Variants in HHAT observed in about 807,000 individuals in gnomAD.
HHAT encodes protein-cysteine N-palmitoyltransferase HHAT.
Under a neutral mutation model 70.8 loss-of-function variants are expected in HHAT, and 47 were observed. That is an observed-to-expected ratio of 0.66 (90% confidence interval 0.53 to 0.85). The LOEUF is 0.85. Among genes scored for constraint, HHAT ranks in the 40% least tolerant of loss-of-function variants. HHAT has a pLI of 0.00. For missense variants in HHAT, 609 were observed against 604.8 expected (o/e 1.01, Z -0.07); for synonymous variants, 228 against 247.6 (o/e 0.92, Z 0.74).
At chr1:210,471,984 C>G (rs995557815) in intron 8 of HHAT, among the ~76,000 whole-genome samples, 1 of 152,102 alleles carries the variant, frequency 6.6e-6, no homozygotes, top group Non-Finnish European at 1.5e-5. Flanking sequence ...TACAGATAAT[C>G]CGGGGAAATG....
At chr1:210,435,819 T>A (rs1264767245) in intron 7 of HHAT, among the ~76,000 whole-genome samples, 1 of 151,880 alleles carries the variant, frequency 6.6e-6, no homozygotes, top group African/African-American at 2.4e-5. Flanking sequence ...ATTCTTTCTT[T>A]TTTTTGCTGT....
intron 9 of HHAT, among the ~76,000 whole-genome samples, chr1:210,515,512 C>T (rs2095038632): frequency 6.6e-6 from 1 of 152,098 alleles, no homozygotes; most frequent in African/African-American, 2.4e-5. Flanking sequence ...AATCCCAGCA[C>T]TTTGGGAGGC....
intron 7 of HHAT, among the ~76,000 whole-genome samples, chr1:210,437,375 C>T (rs751595808): frequency 2.6e-5 from 4 of 151,850 alleles, no homozygotes; most frequent in African/African-American, 4.9e-5. Context: ...CTGGCAGACA[C>T]GTTGGTGAAT....
intron 1 of HHAT, among the ~76,000 whole-genome samples, chr1:210,335,117 A>T (rs1203196771): frequency 6.6e-6 from 1 of 152,210 alleles, no homozygotes; most frequent in Non-Finnish European, 1.5e-5. Flanking sequence ...CCAAATGCTC[A>T]TAAAGACAGA....
intron 10 of HHAT, among the ~76,000 whole-genome samples, chr1:210,602,302 A>C (rs1339845478): frequency 1.3e-5 from 2 of 152,120 alleles, no homozygotes; most frequent in Admixed American, 1.3e-4. Context: ...ATTACGTGCG[A>C]GTGGCCAGAA....
intron 9 of HHAT, among the ~76,000 whole-genome samples, chr1:210,525,542 C>A (rs2095232484): frequency 6.6e-6 from 1 of 152,152 alleles, no homozygotes; most frequent in Non-Finnish European, 1.5e-5. Context: ...CCTGATCTTG[C>A]TGTTACCACT....
At chr1:210,579,262 C>G (rs1658633754) in intron 9 of HHAT, among the ~76,000 whole-genome samples, 1 of 151,988 alleles carries the variant, frequency 6.6e-6, no homozygotes. Flanking sequence ...ATATAACAAC[C>G]AGCACATGTA....
At chr1:210,652,206 A>G (rs1004109881) in intron 11 of HHAT, among the ~76,000 whole-genome samples, 6 of 152,132 alleles carry the variant, frequency 3.9e-5, no homozygotes, top group African/African-American at 1.4e-4. Context: ...GGGAGTAGAG[A>G]TAGGAATAAA....
At chr1:210,402,588 C>T (rs2092131678) in intron 5 of HHAT, among the ~76,000 whole-genome samples, 1 of 152,168 alleles carries the variant, frequency 6.6e-6, no homozygotes, top group Non-Finnish European at 1.5e-5. Flanking sequence ...GCTCTGAGAG[C>T]TGCTGGCTCT....
intron 8 of HHAT, among the ~76,000 whole-genome samples, chr1:210,475,025 G>GT (rs112995699): frequency 0.51 from 75,754 of 149,744 alleles, 19,991 homozygotes; most frequent in African/African-American, 0.66. Flanking sequence ...TATTTTTTTT[G>GT]TTTTTTTTTA....
chr1:210,400,510 T>C lies in HHAT; in HGVS notation c.316T>C (p.Trp106Arg). 1 of 1,614,004 alleles carries C rather than the reference T, an allele frequency of 6.2e-7. No individual in the cohort carries two copies. Among genetic ancestry groups the C allele is most frequent in the Non-Finnish European group, 8.5e-7 (1 of 1,179,966 alleles). Reference protein sequence around the residue: ...ILMLYGMWACWCVLGTPGVAM... With the variant: ...ILMLYGMWACRCVLGTPGVAM... ...CATGCTCTATGGGATGTGGGCCTGC[T>C]GGTGTGTGCTGGGGACCCCTGGTGT... The change falls in exon 5 of 12, where the codon TGG (tryptophan) becomes CGG (arginine). Residue 106 changes from tryptophan (W) to arginine (R), a missense_variant. By Grantham distance (101) the Trp-to-Arg change is moderately radical (BLOSUM62 -3). Transcript: ENST00000261458.
intron 7 of HHAT, among the ~76,000 whole-genome samples, chr1:210,427,533 C>T (rs1186246087): frequency 1.3e-5 from 2 of 152,050 alleles, no homozygotes; most frequent in African/African-American, 4.8e-5. Context: ...AAAGAACTTG[C>T]TAATTTTTGC....
At chr1:210,488,970 G>C (rs1424207032) in intron 8 of HHAT, among the ~76,000 whole-genome samples, 1 of 152,188 alleles carries the variant, frequency 6.6e-6, no homozygotes, top group African/African-American at 2.4e-5. Flanking sequence ...CTCATTCTCC[G>C]GTTTGGCTTA....
chr1:210,449,013 G>T (rs2093692195), intron 7 of HHAT, among the ~76,000 whole-genome samples: 1 of 152,114 alleles, frequency 6.6e-6, no homozygotes, highest in South Asian at 2.1e-4. Context: ...GTGGCATTTG[G>T]CTATTTTTCT....
At chr1:210,670,717 G>A (rs1018086338) in intron 11 of HHAT, among the ~76,000 whole-genome samples, 27 of 152,274 alleles carry the variant, frequency 1.8e-4, no homozygotes, top group African/African-American at 6.3e-4. Flanking sequence ...AGGAAGGTGT[G>A]TGCTTTAAAA....
chr1:210,627,968 A>C (rs943549306), intron 11 of HHAT, among the ~76,000 whole-genome samples: 7 of 152,314 alleles, frequency 4.6e-5, no homozygotes, highest in Admixed American at 4.6e-4. Context: ...TCTCAGAAGC[A>C]CTTGTTAATA....
At position 210,569,373 on chromosome 1, in the gene HHAT, C is replaced by CAAAAAAAAAAA. The variant is rs71146233; in HGVS notation, c.1044-18509_1044-18499dup. On this transcript the variant is annotated intron_variant, in intron 9 of 11. Coordinates refer to ENST00000261458, the MANE Select transcript of HHAT (RefSeq NM_018194.6). ...CGGGCGACAGAGCCAGAGTCTGCCT[C>CAAAAAAAAAAA]AAAAAAAAAAAAAAAAAAAAAAAAA... Among the ~76,000 whole-genome samples, 88 of 28,340 alleles carry CAAAAAAAAAAA rather than the reference C, an allele frequency of 3.1e-3. 17 individuals carry two copies. The highest frequency in any genetic ancestry group is 6.4e-3 in the African/African-American group (52 of 8,134). 18.6% of individuals were successfully genotyped at this position (28,340 alleles called of 152,430 possible). A position where few individuals can be genotyped will look rare whatever the true frequency, so the allele number is the denominator to read the frequency against.
intron 1 of HHAT, among the ~76,000 whole-genome samples, chr1:210,338,497 T>C (rs1450837517): frequency 2.6e-5 from 4 of 152,198 alleles, no homozygotes; most frequent in Non-Finnish European, 5.9e-5. Flanking sequence ...TTAAGCATAC[T>C]CAATAATAGT....
intron 8 of HHAT, among the ~76,000 whole-genome samples, chr1:210,511,111 A>G (rs9943186): frequency 0.53 from 79,983 of 151,972 alleles, 21,198 homozygotes; most frequent in East Asian, 0.57. Context: ...TTGAGAGAAG[A>G]GATCATTTCT....
Sources: gnomAD v4.1 joint callset for allele counts (sites outside exome capture counted in the v4.1 genomes callset) on GRCh38, gnomAD v4.1.1 for gene constraint, MANE v1.5 for transcripts, NCBI Gene and HGNC (gene_info 2026-07-23, HGNC 2026-07-21) for gene names.